Variants in SLC44A5 observed in about 807,000 individuals in gnomAD.
The protein encoded by SLC44A5 is choline transporter-like protein 5.
A neutral mutation model predicts 101.8 loss-of-function variants in SLC44A5; 57 were observed. That is an observed-to-expected ratio of 0.56 (90% CI 0.45 to 0.70). SLC44A5 has a LOEUF of 0.70. SLC44A5 is among the 30% of genes least tolerant of loss of function. The probability of loss-of-function intolerance (pLI) is 0.00; values close to 1 mark genes in which losing one functional copy is unlikely to be tolerated. For synonymous variants in SLC44A5, 281 were observed against 290.9 expected (o/e 0.97, Z 0.35); for missense variants, 737 against 853.1 (o/e 0.86, Z 1.70).
chr1:75,367,420 G>A (rs916889381), intron 3 of SLC44A5, among the ~76,000 whole-genome samples: 10 of 152,152 alleles, frequency 6.6e-5, no homozygotes, highest in Admixed American at 5.9e-4. Flanking sequence ...ATATGCTTCA[G>A]GATCCACAGT....
At chr1:75,601,543 G>A (rs1169067062) in intron 1 of SLC44A5, among the ~76,000 whole-genome samples, 2 of 151,988 alleles carry the variant, frequency 1.3e-5, no homozygotes, top group Non-Finnish European at 2.9e-5. Context: ...AAAAAAGAGA[G>A]AGAAATAACA....
chr1:75,300,373 T>G (rs571740283), intron 5 of SLC44A5, among the ~76,000 whole-genome samples: 1 of 152,304 alleles, frequency 6.6e-6, no homozygotes, highest in African/African-American at 2.4e-5. Flanking sequence ...CTTTTCTCTT[T>G]CTGCTTTATA....
intron 6 of SLC44A5, among the ~76,000 whole-genome samples, chr1:75,270,751 G>C (rs1427738431): frequency 6.6e-6 from 1 of 151,994 alleles, no homozygotes; most frequent in Non-Finnish European, 1.5e-5. Flanking sequence ...ACATATTGTT[G>C]AGTATCTGTG....
At chr1:75,471,006 GA>G (rs1667076715) in intron 2 of SLC44A5, among the ~76,000 whole-genome samples, 1 of 152,216 alleles carries the variant, frequency 6.6e-6, no homozygotes, top group East Asian at 1.9e-4. Context: ...GGGGGTAAAT[GA>G]AAAAGCTAAC....
the SLC44A5 span, chr1:75,642,131 TA>T: frequency 1.1e-6 from 1 of 912,488 alleles, no homozygotes; most frequent in South Asian, 1.6e-5. Flanking sequence ...TGATATATAT[TA>T]AAACTGCCTG....
intron 2 of SLC44A5, among the ~76,000 whole-genome samples, chr1:75,523,844 C>A (rs575088380): frequency 2.2e-4 from 33 of 152,116 alleles, no homozygotes; most frequent in Non-Finnish European, 4.3e-4. Flanking sequence ...AAGGTTGCTG[C>A]TAAATCATAC....
intron 5 of SLC44A5, among the ~76,000 whole-genome samples, chr1:75,275,812 T>C (rs1353818537): frequency 6.6e-6 from 1 of 152,178 alleles, no homozygotes; most frequent in Non-Finnish European, 1.5e-5. Context: ...TGAATATTTC[T>C]AACTTCTCCA....
chr1:75,641,627 A>T, the SLC44A5 span: 15 of 1,493,050 alleles, frequency 1.0e-5, no homozygotes, highest in Non-Finnish European at 1.4e-5. Flanking sequence ...GTCACGGTTC[A>T]AAATTGCATA....
At chr1:75,630,154 G>A in the SLC44A5 span, among the ~76,000 whole-genome samples, 10 of 152,062 alleles carry the variant, frequency 6.6e-5, no homozygotes, top group African/African-American at 1.2e-4. Context: ...TAATCTACCC[G>A]CAGGGCCCTC....
chr1:75,312,994 A>C (rs1420791128), intron 4 of SLC44A5, among the ~76,000 whole-genome samples: 1 of 152,172 alleles, frequency 6.6e-6, no homozygotes, highest in Non-Finnish European at 1.5e-5. Context: ...GAAGTTCTTG[A>C]ATAGGGGGAG....
At position 75,386,047 on chromosome 1, in the gene SLC44A5, T is replaced by C. The variant is rs1186679382; in HGVS notation, c.52+10536A>G. Among the ~76,000 whole-genome samples, 25 of 152,242 alleles carry C rather than the reference T, an allele frequency of 1.6e-4. No individual in the cohort carries two copies. In the East Asian group the frequency reaches 4.4e-3, roughly 27 times the overall value. ...AAACTCTCAATAAATTAGGCATTGA[T>C]GGGACGTATTTCAAAATAATAAGAG... On this transcript the variant is annotated intron_variant, in intron 3 of 23. Transcript: ENST00000370859.
intron 1 of SLC44A5, among the ~76,000 whole-genome samples, chr1:75,587,119 C>T (rs1225896316): frequency 1.3e-5 from 2 of 151,988 alleles, no homozygotes; most frequent in African/African-American, 4.8e-5. Flanking sequence ...GTCAAGGATG[C>T]TGCTAAACAT....
At chr1:75,460,002 T>A (rs1181304733) in intron 2 of SLC44A5, among the ~76,000 whole-genome samples, 1 of 151,996 alleles carries the variant, frequency 6.6e-6, no homozygotes, top group East Asian at 1.9e-4. Flanking sequence ...TCTTGGAGAG[T>A]TGGTTTTAAA....
intron 3 of SLC44A5, among the ~76,000 whole-genome samples, chr1:75,387,099 T>C (rs1661414135): frequency 6.6e-6 from 1 of 152,156 alleles, no homozygotes; most frequent in Non-Finnish European, 1.5e-5. Context: ...CCTAAAACCA[T>C]AAAAATCCTA....
chr1:75,347,268 A>G (rs1051895324), intron 3 of SLC44A5, among the ~76,000 whole-genome samples: 4 of 152,094 alleles, frequency 2.6e-5, no homozygotes, highest in African/African-American at 9.7e-5. Context: ...ATAAAATTAA[A>G]CTGCTTATCA....
the SLC44A5 span, among the ~76,000 whole-genome samples, chr1:75,639,667 C>A: frequency 6.6e-6 from 1 of 152,092 alleles, no homozygotes; most frequent in African/African-American, 2.4e-5. Context: ...CATGCTAAAC[C>A]TGGCTCTTAG....
At chr1:75,294,211 C>T (rs1188322205) in intron 5 of SLC44A5, among the ~76,000 whole-genome samples, 1 of 152,148 alleles carries the variant, frequency 6.6e-6, no homozygotes, top group African/African-American at 2.4e-5. Context: ...CAGTTATACT[C>T]ATTGCCAATT....
the SLC44A5 span, among the ~76,000 whole-genome samples, chr1:75,698,444 T>C: frequency 6.6e-6 from 1 of 152,200 alleles, no homozygotes; most frequent in Non-Finnish European, 1.5e-5. Flanking sequence ...CTGAGGGTCC[T>C]GTCTGTTAGA....
intron 3 of SLC44A5, among the ~76,000 whole-genome samples, chr1:75,383,359 C>T (rs368267514): frequency 0.093 from 13,743 of 147,578 alleles, 860 homozygotes; most frequent in Admixed American, 0.19. Context: ...CCCCTTATTT[C>T]TTTCTCTATA....
Sources: allele counts gnomAD v4.1 joint callset (sites outside exome capture counted in the v4.1 genomes callset), GRCh38; gene constraint gnomAD v4.1.1; transcripts MANE v1.5; gene names NCBI Gene and HGNC (gene_info 2026-07-23, HGNC 2026-07-21).